The following PCDHA1 variants were observed in gnomAD, a reference collection of about 807,000 sequenced individuals.
The protein encoded by PCDHA1 is protocadherin alpha-1.
In PCDHA1, 42 loss-of-function variants were observed where a neutral mutation model predicts 61.3. The ratio of observed to expected loss-of-function variants is 0.69; its 90% CI spans 0.54 to 0.89. The LOEUF is 0.89. Ranked by LOEUF, PCDHA1 falls within the 40% of genes least tolerant of loss-of-function variation. PCDHA1 has a pLI of 0.00. For missense variants in PCDHA1, 1,256 were observed against 1,235.3 expected (o/e 1.02, Z -0.25); for synonymous variants, 610 against 553.8 (o/e 1.10, Z -1.43).
At chr5:140,909,269 A>G (rs1554193726) in intron 1 of PCDHA1, among the ~76,000 whole-genome samples, 1 of 152,240 alleles carries the variant, frequency 6.6e-6, no homozygotes, top group Admixed American at 6.5e-5. Context: ...CTGAAGGCAA[A>G]TTGCTTCTGG....
At chr5:140,841,506 G>A in intron 1 of PCDHA1, 1 of 1,613,388 alleles carries the variant, frequency 6.2e-7, no homozygotes, top group Non-Finnish European at 8.5e-7. Context: ...CTGGTGCCGC[G>A]CCTGTTCCGG....
intron 3 of PCDHA1, among the ~76,000 whole-genome samples, chr5:140,985,402 C>T (rs1554247027): frequency 6.6e-6 from 1 of 152,118 alleles, no homozygotes; most frequent in African/African-American, 2.4e-5. Context: ...CAACTGTTCC[C>T]CTGGAAATGG....
chr5:140,802,873 A>C (rs1554122424), intron 1 of PCDHA1: 9 of 1,613,654 alleles, frequency 5.6e-6, no homozygotes, highest in Non-Finnish European at 6.8e-6. Context: ...CTGGACGAGA[A>C]CGACAACGCG....
chr5:140,870,493 AAGG>A, intron 1 of PCDHA1: 1 of 1,614,214 alleles, frequency 6.2e-7, no homozygotes, highest in Non-Finnish European at 8.5e-7. Context: ...CGTGTTCGTG[AAGG>A]AGAACAACCC....
intron 2 of PCDHA1, among the ~76,000 whole-genome samples, chr5:140,981,204 A>G (rs782466772): frequency 2.6e-5 from 4 of 152,218 alleles, no homozygotes; most frequent in Non-Finnish European, 5.9e-5. Context: ...CTGTTGCCTC[A>G]TATAACCCCT....
At chr5:140,848,356 A>G in intron 1 of PCDHA1, 1 of 1,038,310 alleles carries the variant, frequency 9.6e-7, no homozygotes, top group Non-Finnish European at 1.4e-6. Context: ...CCCTTTTCCC[A>G]TGGGAAAGAG....
At chr5:140,967,435 C>T (rs949116832) in intron 1 of PCDHA1, 1 of 1,613,532 alleles carries the variant, frequency 6.2e-7, no homozygotes, top group Non-Finnish European at 8.5e-7. Flanking sequence ...CAGCCTTGCA[C>T]CACCTGGTTC....
In PCDHA1 at chr5:141,010,893, A is replaced by G. The variant is rs76323061; in HGVS notation, c.*956A>G. On this transcript the variant is annotated 3_prime_UTR_variant, in exon 4 of 4. Transcript: ENST00000504120. ...TAAATCTTTAAAGAGAAATATGAAT[A>G]CAATTCCCCTAAACTCTCCTCAAAA... is the stretch of plus-strand genomic sequence containing the variant. 0.018 allele frequency: 2,808 copies of G among 153,906 alleles called. 48 individuals are homozygous for G. The highest frequency in any genetic ancestry group is 0.029 in the Non-Finnish European group (1,995 of 68,040). 9.5% of individuals were successfully genotyped at this position (153,906 alleles called of 1,614,324 possible).
chr5:140,876,269 C>T, intron 1 of PCDHA1: 2 of 1,614,036 alleles, frequency 1.2e-6, no homozygotes, highest in Non-Finnish European at 1.7e-6. Flanking sequence ...CAACTAAATG[C>T]TTCCGATCCA....
At chr5:140,827,999 G>C in intron 1 of PCDHA1, 1 of 1,484,116 alleles carries the variant, frequency 6.7e-7, no homozygotes, top group Non-Finnish European at 9.0e-7. Context: ...GATGGCGGAC[G>C]CAGAAGAAAT....
Position 140,824,611 on chromosome 5 carries a change from T to TTTTTTTTTTTTG in PCDHA1, c.2394+35938_2394+35939insGTTTTTTTTTTT, listed in dbSNP as rs1768219993. On this transcript the variant is annotated intron_variant, in intron 1 of 3. Coordinates refer to ENST00000504120, the MANE Select transcript of PCDHA1 (RefSeq NM_018900.4). Reference sequence around the variant, plus strand: ...GACTACATGCACATGCTAATTAAAGTTTTTTTTTTTTTTTTTTTTTTATTT... The same window carrying TTTTTTTTTTTTG: ...GACTACATGCACATGCTAATTAAAGTTTTTTTTTTTTGTTTTTTTTTTTTTTTTTTTTTATTT... 2 of 19,836 alleles carry TTTTTTTTTTTTG rather than the reference T, an allele frequency of 1.0e-4. 1 individual carries two copies. The highest frequency in any genetic ancestry group is 3.3e-4 in the African/African-American group (2 of 5,990). The allele number at this position is 19,836 out of a possible 1,614,324, so 1.2% of individuals were successfully genotyped here.
chr5:140,828,223 C>T (rs2150152540), intron 1 of PCDHA1: 1 of 1,613,996 alleles, frequency 6.2e-7, no homozygotes, highest in Non-Finnish European at 8.5e-7. Flanking sequence ...ACGGCACCTT[C>T]GTGGGCCGGA....
At chr5:140,962,191 T>C (rs2095664022) in intron 1 of PCDHA1, among the ~76,000 whole-genome samples, 1 of 152,210 alleles carries the variant, frequency 6.6e-6, no homozygotes, top group African/African-American at 2.4e-5. Flanking sequence ...ATCACTTTTA[T>C]GCTTCCTATC....
At chr5:140,910,276 A>G (rs1461426502) in intron 1 of PCDHA1, among the ~76,000 whole-genome samples, 2 of 152,124 alleles carry the variant, frequency 1.3e-5, no homozygotes, top group African/African-American at 4.8e-5. Flanking sequence ...ACTTCTAGGA[A>G]CACCATGATT....
In PCDHA1 at chr5:140,870,868, G is replaced by T. The variant is rs550915753; in HGVS notation, c.2394+82184G>T. 2.5e-6 allele frequency: 4 copies of T among 1,613,944 alleles called. No homozygotes were observed. The South Asian group carries it at 3.3e-5, about 13-fold the overall frequency. ...ACCGCGGTCGGTGGGTGCGGGCCAC[G>T]TGGTGGCGAAGGTGCGCGCAGTGGA... On this transcript the variant is annotated intron_variant, in intron 1 of 3. Coordinates refer to ENST00000504120, the MANE Select transcript of PCDHA1 (RefSeq NM_018900.4).
intron 1 of PCDHA1, among the ~76,000 whole-genome samples, chr5:140,806,286 T>C (rs1489649696): frequency 2.0e-5 from 3 of 152,184 alleles, no homozygotes; most frequent in African/African-American, 7.2e-5. Context: ...CTAAAATATA[T>C]AAGCACTATA....
At chr5:140,808,069 C>T (rs781875261) in intron 1 of PCDHA1, 4 of 1,613,996 alleles carry the variant, frequency 2.5e-6, no homozygotes, top group South Asian at 2.2e-5. Context: ...CCAAGTTTCA[C>T]ATAGATCCAA....
chr5:140,884,357 A>C, intron 1 of PCDHA1: 1 of 1,613,864 alleles, frequency 6.2e-7, no homozygotes. Context: ...GGTGGATGTC[A>C]ATGTTTACTT....
chr5:140,835,795 G>GC, intron 1 of PCDHA1: 1 of 1,613,068 alleles, frequency 6.2e-7, no homozygotes, highest in Admixed American at 1.7e-5. Flanking sequence ...AACCCGCCGG[G>GC]CTGCCACATC....
Sources: allele counts gnomAD v4.1 joint callset (sites outside exome capture counted in the v4.1 genomes callset), GRCh38; gene constraint gnomAD v4.1.1; transcripts MANE v1.5; gene names NCBI Gene and HGNC (gene_info 2026-07-23, HGNC 2026-07-21).